RTN4RL2: variants seen among roughly 807,000 people sequenced by gnomAD.
The protein encoded by RTN4RL2 is reticulon-4 receptor-like 2.
In RTN4RL2, 9 loss-of-function variants were observed where a neutral mutation model predicts 27.8. That is an observed-to-expected ratio of 0.32 (90% CI 0.20 to 0.57). The LOEUF (loss-of-function observed/expected upper bound fraction) is 0.57, where lower values mean the gene tolerates loss of function less well. RTN4RL2 is among the 20% of genes least tolerant of loss of function. The pLI is 0.90. For synonymous variants in RTN4RL2, 285 were observed against 297.9 expected (o/e 0.96, Z 0.45); for missense variants, 436 against 596.8 (o/e 0.73, Z 2.81).
Position 57,467,931 on chromosome 11 carries a change from C to G in RTN4RL2, c.354C>G (p.His118Gln). 1 of 1,613,638 alleles carries G rather than the reference C, an allele frequency of 6.2e-7. No homozygotes were observed. The highest frequency in any genetic ancestry group is 8.5e-7 in the Non-Finnish European group (1 of 1,179,960). The stretch of plus-strand genomic sequence containing the variant: ...AGCTGGACCTCGGTGACAACCGGCA[C>G]CTGCGCTCGCTGGAGCCCGACACCT... ...LEELDLGDNR[H>Q]LRSLEPDTFQ... Residue 118 changes from histidine to glutamine, a missense_variant, in exon 2 of 3, where the codon CAC becomes CAG. This residue lies in a region of RTN4RL2 where 365 missense variants were observed against 530.5 expected (regional missense o/e 0.69). Transcript: ENST00000335099. The surrounding 1 kb of genome is among the most constrained non-coding windows in gnomAD (Gnocchi z 5.5).
chr11:57,467,569 T>C lies in RTN4RL2; in HGVS notation c.32-40T>C. 1.9e-6 allele frequency: 3 copies of C among 1,562,474 alleles called. No homozygotes were observed. Among genetic ancestry groups the C allele is most frequent in the Non-Finnish European group, 2.6e-6 (3 of 1,154,750 alleles). On this transcript the variant is annotated intron_variant, in intron 1 of 2. Transcript: ENST00000335099. The surrounding 1 kb of genome is among the most constrained non-coding windows in gnomAD (Gnocchi z 5.5). ...TGGCCCCCAGCTGGCACTCCTGCCC[T>C]GGAAGCCCACCTAGTAAGTTCTGCT...
Position 57,467,659 on chromosome 11 carries a change from GC to G in RTN4RL2, c.87del (p.Ser30AlafsTer15). 1.2e-6 allele frequency: 2 copies of G among 1,610,558 alleles called. No homozygotes were observed. ...GATGCTCCTGGCCCTGCCCCTGGCG[GC>G]CCCCAGCTGCCCCATGCTCTGCACC... ...LLMLLALPLA[A>X]PSCPMLCTCY... On this transcript the variant is annotated frameshift_variant, in exon 2 of 3. Coordinates refer to ENST00000335099, the MANE Select transcript of RTN4RL2 (RefSeq NM_178570.3). LOFTEE classifies it high-confidence loss of function. This position sits in a 1 kb window ranked among gnomAD's most constrained non-coding sequence, Gnocchi z 5.5.
chr11:57,476,247 G>A lies in RTN4RL2; in HGVS notation c.599G>A (p.Arg200His), dbSNP rs763698808. 7 of 1,612,514 alleles carry A rather than the reference G, an allele frequency of 4.3e-6. No individual in the cohort carries two copies. The East Asian group carries it at 6.7e-5, about 15-fold the overall frequency. ...RLRLLTEHVF[R>H]GLGSLDRLLL... ...CGGCTGCTCACAGAGCACGTGTTTC[G>A]CGGCCTGGGCAGCCTGGACCGGCTG... The change falls in exon 3 of 3, where the codon CGC (arginine) becomes CAC (histidine). Residue 200 changes from arginine to histidine, a missense_variant. Transcript: ENST00000335099. This position sits in a 1 kb window ranked among gnomAD's most constrained non-coding sequence, Gnocchi z 8.2.
chr11:57,476,431 C>A lies in RTN4RL2; in HGVS notation c.783C>A (p.Asn261Lys). 6.3e-7 allele frequency: 1 copy of A among 1,585,504 alleles called. No individual in the cohort carries two copies. The highest frequency in any genetic ancestry group is 1.1e-5 in the South Asian group (1 of 89,126). ...PSLEFLRLNA[N>K]PWACDCRARP... is the part of the protein sequence containing the mutation. ...TCGAGTTCCTGCGGCTCAACGCTAACCCCTGGGCGTGCGACTGCCGCGCGC... is the reference window on the plus strand; with the variant it reads ...TCGAGTTCCTGCGGCTCAACGCTAAACCCTGGGCGTGCGACTGCCGCGCGC... Residue 261 changes from asparagine (N) to lysine (K), a missense_variant, in exon 3 of 3, where the codon AAC becomes AAA. By Grantham distance (94) the Asn-to-Lys change is moderately conservative (BLOSUM62 0). Transcript: ENST00000335099. The surrounding 1 kb of genome is among the most constrained non-coding windows in gnomAD (Gnocchi z 8.2).
chr11:57,468,955 C>A, intron 2 of RTN4RL2: 1 of 706,158 alleles, frequency 1.4e-6, no homozygotes, highest in Non-Finnish European at 2.5e-6. Flanking sequence ...AATAACACAC[C>A]CTCCAAACCA....
chr11:57,476,872 T>C lies in RTN4RL2; in HGVS notation c.1224T>C (p.Pro408=). The change falls in exon 3 of 3, where the codon CCT becomes CCC. Residue 408 remains proline, a synonymous_variant. Transcript: ENST00000335099. The surrounding 1 kb of genome is among the most constrained non-coding windows in gnomAD (Gnocchi z 8.2). ...GPALSAGLPS[P]LLCLLLLVPH... The stretch of plus-strand genomic sequence containing the variant: ...CGCTCTCGGCCGGGCTCCCCAGCCC[T>C]CTGCTTTGCCTCCTGCTCCTGGTGC... The C allele has an allele frequency of 6.3e-7, 1 of 1,577,326 alleles. No homozygotes were observed. Among genetic ancestry groups the C allele is most frequent in the Non-Finnish European group, 8.6e-7 (1 of 1,168,382 alleles).
chr11:57,460,849 C>G lies in RTN4RL2; in HGVS notation c.-17C>G. On this transcript the variant is annotated 5_prime_UTR_variant, in exon 1 of 3. Coordinates refer to ENST00000335099, the MANE Select transcript of RTN4RL2 (RefSeq NM_178570.3). ...CGCCCTCCCCCCGCTGCCCCCTCCC[C>G]CGAGCATCGAGACAAGATGCTGCCC... 3.6e-6 allele frequency: 5 copies of G among 1,406,286 alleles called. No homozygotes were observed. The highest frequency in any genetic ancestry group is 3.1e-5 in the East Asian group (1 of 32,526). 87.1% of individuals were successfully genotyped at this position (1,406,286 alleles called of 1,614,324 possible).
Position 57,476,546 on chromosome 11 carries a change from C to T in RTN4RL2, c.898C>T (p.Arg300Cys), listed in dbSNP as rs1278065274. ...TPPERQGRDL[R>C]ALREADFQAC... ...CCCGGAGCGCCAGGGCCGAGACCTGCGCGCGCTCCGCGAGGCCGACTTCCA... is the reference window on the plus strand; with the variant it reads ...CCCGGAGCGCCAGGGCCGAGACCTGTGCGCGCTCCGCGAGGCCGACTTCCA... The change falls in exon 3 of 3, where the codon CGC becomes TGC. Residue 300 changes from arginine to cysteine, a missense_variant. Physicochemically the swap from Arg to Cys is radical, Grantham distance 180. Coordinates refer to ENST00000335099, the MANE Select transcript of RTN4RL2 (RefSeq NM_178570.3). This position sits in a 1 kb window ranked among gnomAD's most constrained non-coding sequence, Gnocchi z 8.2. 1 of 1,401,694 alleles carries T rather than the reference C, an allele frequency of 7.1e-7. No individual in the cohort carries two copies. 86.8% of individuals were successfully genotyped at this position (1,401,694 alleles called of 1,614,324 possible).
chr11:57,472,204 G>GTTTGT (rs921935076), intron 2 of RTN4RL2, among the ~76,000 whole-genome samples: 7 of 124,212 alleles, frequency 5.6e-5, no homozygotes, highest in South Asian at 3.0e-4. Flanking sequence ...CATGGTTTTT[G>GTTTGT]TTTGTTTTGT....
chr11:57,462,693 G>A lies in RTN4RL2; in HGVS notation c.31+1797G>A, dbSNP rs192076889. On this transcript the variant is annotated intron_variant, in intron 1 of 2. Coordinates refer to ENST00000335099, the MANE Select transcript of RTN4RL2 (RefSeq NM_178570.3). ...CCAAGGTTTGATAGCCAGAGTCCTG[G>A]ACAGTGGTCCCTCAGTGAACAGATA... Among the ~76,000 whole-genome samples, 170 of 152,362 alleles carry A rather than the reference G, an allele frequency of 1.1e-3. 1 individual carries two copies. The highest frequency in any genetic ancestry group is 2.0e-3 in the Non-Finnish European group (137 of 68,032).
rs1477767549 is a variant in RTN4RL2 at position 57,467,811 on chromosome 11, C to T, written c.234C>T (p.Gly78=). ...QNNLIRTLRP[G]TFGSNLLTLW... ...ACCTCATCCGCACGCTGCGGCCAGG[C>T]ACCTTTGGGTCCAACCTGCTCACCC... The change falls in exon 2 of 3, where the codon GGC becomes GGT. Residue 78 remains glycine (G), a synonymous_variant. Coordinates refer to ENST00000335099, the MANE Select transcript of RTN4RL2 (RefSeq NM_178570.3). This position sits in a 1 kb window ranked among gnomAD's most constrained non-coding sequence, Gnocchi z 5.5. The T allele has an allele frequency of 3.1e-6, 5 of 1,614,092 alleles. No individual in the cohort carries two copies. In the Admixed American group the frequency reaches 8.3e-5, roughly 27 times the overall value.
chr11:57,474,984 T>C (rs1590734269), intron 2 of RTN4RL2, among the ~76,000 whole-genome samples: 1 of 152,028 alleles, frequency 6.6e-6, no homozygotes, highest in Non-Finnish European at 1.5e-5. Flanking sequence ...CCTCTGGGGG[T>C]GGAGCTGATG....
Position 57,468,110 on chromosome 11 carries a change from A to C in RTN4RL2, c.513+20A>C. On this transcript the variant is annotated intron_variant, in intron 2 of 2. Coordinates refer to ENST00000335099, the MANE Select transcript of RTN4RL2 (RefSeq NM_178570.3). ...CTACAGGTGAGCCTGCCCTGCCCCC[A>C]CCCTCAGCCCCTTTCTGGTTTCCTC... 2.6e-6 allele frequency: 4 copies of C among 1,557,056 alleles called. No individual in the cohort carries two copies. Among genetic ancestry groups the C allele is most frequent in the Non-Finnish European group, 3.5e-6 (4 of 1,156,700 alleles).
intron 1 of RTN4RL2, among the ~76,000 whole-genome samples, chr11:57,465,908 T>C (rs1284922384): frequency 2.0e-5 from 3 of 151,490 alleles, no homozygotes; most frequent in Non-Finnish European, 2.9e-5. Context: ...TCCCAACACT[T>C]TGGGAGGCCA....
At position 57,477,033 on chromosome 11, in the gene RTN4RL2, C is replaced by A; in HGVS notation, c.*122C>A. ...TTGCTGCCTCCCTTTCCCCTCCCAG[C>A]TCCTCTCCTCCCCGGGGAGCAGGCC... On this transcript the variant is annotated 3_prime_UTR_variant, in exon 3 of 3. Coordinates refer to ENST00000335099, the MANE Select transcript of RTN4RL2 (RefSeq NM_178570.3). 1 of 999,430 alleles carries A rather than the reference C, an allele frequency of 1.0e-6. No homozygotes were observed. The highest frequency in any genetic ancestry group is 1.4e-6 in the Non-Finnish European group (1 of 715,934). The allele number at this position is 999,430 out of a possible 1,614,324, so 61.9% of individuals were successfully genotyped here.
intron 1 of RTN4RL2, 101 bp downstream of exon 1, chr11:57,460,997 T>C: frequency 1.5e-6 from 1 of 660,470 alleles, no homozygotes; most frequent in South Asian, 4.4e-5. Flanking sequence ...GGAGGTGGGG[T>C]AACCTGGGGA....
At position 57,476,095 on chromosome 11, in the gene RTN4RL2, C is replaced by T; in HGVS notation, c.514-67C>T. On this transcript the variant is annotated intron_variant, in intron 2 of 2. Transcript: ENST00000335099. The surrounding 1 kb of genome is among the most constrained non-coding windows in gnomAD (Gnocchi z 8.2). Reference sequence around the variant, plus strand: ...CCCCCTTCCCTCCCCCGGCCAAGGCCCCAGCGGGGTCTGCACCCTACCTCA... The same window carrying T: ...CCCCCTTCCCTCCCCCGGCCAAGGCTCCAGCGGGGTCTGCACCCTACCTCA... 2.0e-6 allele frequency: 3 copies of T among 1,488,330 alleles called. No homozygotes were observed. Among genetic ancestry groups the T allele is most frequent in the Non-Finnish European group, 2.7e-6 (3 of 1,099,394 alleles). The allele number at this position is 1,488,330 out of a possible 1,614,324, so 92.2% of individuals were successfully genotyped here.
chr11:57,468,119 C>T, intron 2 of RTN4RL2, 29 bp downstream of exon 2: 3 of 1,555,436 alleles, frequency 1.9e-6, no homozygotes, highest in Non-Finnish European at 2.6e-6. Context: ...CACCCTCAGC[C>T]CCTTTCTGGT....
chr11:57,470,790 T>A (rs1385565766), intron 2 of RTN4RL2, among the ~76,000 whole-genome samples: 2 of 152,186 alleles, frequency 1.3e-5, no homozygotes, highest in African/African-American at 4.8e-5. Context: ...TGAGCTTGAA[T>A]CCCCGATCTA....
Sources: allele counts gnomAD v4.1 joint callset (sites outside exome capture counted in the v4.1 genomes callset), GRCh38; gene constraint gnomAD v4.1.1; regional missense constraint gnomAD v4.1.1; non-coding constraint Gnocchi (gnomAD v3.1); transcripts MANE v1.5; gene names NCBI Gene and HGNC (gene_info 2026-07-23, HGNC 2026-07-21).